Variants in NCKAP5 observed in about 807,000 individuals in gnomAD.
The protein encoded by NCKAP5 is NCK associated protein 5.
A neutral mutation model predicts 167.0 loss-of-function variants in NCKAP5; 92 were observed. That is an observed-to-expected ratio of 0.55 (90% CI 0.47 to 0.66). The LOEUF (loss-of-function observed/expected upper bound fraction) is 0.66. Ranked by LOEUF, NCKAP5 falls within the 30% of genes least tolerant of loss-of-function variation. The probability of loss-of-function intolerance (pLI) is 0.00; values close to 1 mark genes in which losing one functional copy is unlikely to be tolerated. For synonymous variants in NCKAP5, 891 were observed against 877.4 expected, an observed-to-expected ratio of 1.02 and a Z score of -0.27; for missense variants, 2,378 against 2,315.0, an observed-to-expected ratio of 1.03 and a Z score of -0.56.
chr2:133,113,538 T>C (rs1263779739), intron 6 of NCKAP5, among the ~76,000 whole-genome samples: 1 of 152,198 alleles, frequency 6.6e-6, no homozygotes, highest in Non-Finnish European at 1.5e-5. Context: ...ACTCCGAGCC[T>C]CCTCTAGCCA....
chr2:132,726,390 G>A (rs1417762811), intron 18 of NCKAP5, among the ~76,000 whole-genome samples: 1 of 152,164 alleles, frequency 6.6e-6, no homozygotes, highest in African/African-American at 2.4e-5. Context: ...ATCCCCTAAG[G>A]ATGTCACTGG....
chr2:133,413,071 T>C (rs887837639), intron 3 of NCKAP5, among the ~76,000 whole-genome samples: 2 of 152,122 alleles, frequency 1.3e-5, no homozygotes, highest in Admixed American at 6.5e-5. Flanking sequence ...GGAGCAAACA[T>C]GCAGAGCCCA....
chr2:133,456,973 A>C (rs540180904), intron 3 of NCKAP5, among the ~76,000 whole-genome samples: 1 of 152,258 alleles, frequency 6.6e-6, no homozygotes, highest in African/African-American at 2.4e-5. Flanking sequence ...TGTCCAACCA[A>C]TGTCTTCCGT....
chr2:132,962,916 TAG>T (rs1293400318), intron 8 of NCKAP5, among the ~76,000 whole-genome samples: 1 of 152,152 alleles, frequency 6.6e-6, no homozygotes, highest in Admixed American at 6.5e-5. Flanking sequence ...TTTATGCTAG[TAG>T]AGTTTTCAGG....
chr2:133,070,676 G>A (rs932692885), intron 6 of NCKAP5, among the ~76,000 whole-genome samples: 3 of 152,060 alleles, frequency 2.0e-5, no homozygotes, highest in South Asian at 2.1e-4. Flanking sequence ...CAACCAAGAA[G>A]TTATACACTC....
At chr2:132,927,377 T>A (rs942623733) in intron 8 of NCKAP5, among the ~76,000 whole-genome samples, 10 of 98,576 alleles carry the variant, frequency 1.0e-4, no homozygotes. Flanking sequence ...ACTTTTAGGA[T>A]TTTTTTTTCC....
At chr2:133,223,342 G>A (rs973354800) in intron 4 of NCKAP5, among the ~76,000 whole-genome samples, 2 of 152,100 alleles carry the variant, frequency 1.3e-5, no homozygotes, top group South Asian at 4.1e-4. Context: ...ATGCATGTGG[G>A]GAGAACAGGT....
At chr2:133,628,540 A>G in the NCKAP5 span, among the ~76,000 whole-genome samples, 1 of 152,238 alleles carries the variant, frequency 6.6e-6, no homozygotes, top group African/African-American at 2.4e-5. Flanking sequence ...GAAAGGAAGA[A>G]TCAATATCGT....
rs139221130 is a variant in NCKAP5 at position 133,414,794 on chromosome 2, G to T, written c.69+102664C>A. Among the ~76,000 whole-genome samples, 403 of 152,202 alleles carry T rather than the reference G, an allele frequency of 2.6e-3. 1 individual carries two copies. The highest frequency in any genetic ancestry group is 9.4e-3 in the African/African-American group (391 of 41,540). On this transcript the variant is annotated intron_variant, in intron 3 of 19. Transcript: ENST00000409261. ...CCTCCCAAGGAGTCTATGAAGGGTGGAATATTATAGCACACAAACTAATAA... is the reference window on the plus strand; with the variant it reads ...CCTCCCAAGGAGTCTATGAAGGGTGTAATATTATAGCACACAAACTAATAA...
At chr2:133,202,167 G>C (rs2150125494) in intron 5 of NCKAP5, among the ~76,000 whole-genome samples, 1 of 152,218 alleles carries the variant, frequency 6.6e-6, no homozygotes, top group East Asian at 1.9e-4. Context: ...AAAACAGCAT[G>C]GTACTGGTAC....
chr2:132,828,336 G>A (rs560486659), intron 11 of NCKAP5, among the ~76,000 whole-genome samples: 2 of 152,266 alleles, frequency 1.3e-5, no homozygotes, highest in East Asian at 1.9e-4. Flanking sequence ...GGGGCCTGGT[G>A]GGAGGTGATT....
the NCKAP5 span, among the ~76,000 whole-genome samples, chr2:133,589,886 A>C: frequency 1.3e-5 from 2 of 152,264 alleles, no homozygotes; most frequent in Non-Finnish European, 2.9e-5. Context: ...AAACTGATGT[A>C]ATATCCACAG....
At chr2:132,753,911 G>A (rs1680319110) in intron 16 of NCKAP5, among the ~76,000 whole-genome samples, 1 of 152,198 alleles carries the variant, frequency 6.6e-6, no homozygotes, top group Admixed American at 6.5e-5. Flanking sequence ...AGCTCCAGAA[G>A]CAGCTCAGGA....
intron 16 of NCKAP5, among the ~76,000 whole-genome samples, chr2:132,734,842 G>T (rs532420285): frequency 3.3e-5 from 5 of 150,934 alleles, no homozygotes; most frequent in Admixed American, 6.6e-5. Flanking sequence ...CTGATTCCCC[G>T]CAGAAGCACA....
At chr2:133,262,810 G>T (rs924648927) in intron 4 of NCKAP5, among the ~76,000 whole-genome samples, 2 of 152,130 alleles carry the variant, frequency 1.3e-5, no homozygotes, top group Admixed American at 6.5e-5. Flanking sequence ...CACATAAAAA[G>T]CAGGAAGGCT....
chr2:133,327,449 C>A (rs1682530694), intron 3 of NCKAP5, among the ~76,000 whole-genome samples: 1 of 152,154 alleles, frequency 6.6e-6, no homozygotes, highest in African/African-American at 2.4e-5. Context: ...AGTGGCAATG[C>A]TGTTTAATGT....
At chr2:133,220,224 G>T (rs1399269475) in intron 4 of NCKAP5, among the ~76,000 whole-genome samples, 2 of 152,178 alleles carry the variant, frequency 1.3e-5, no homozygotes, top group African/African-American at 2.4e-5. Context: ...AAAGCCAGTA[G>T]CTCATTATGA....
the NCKAP5 span, among the ~76,000 whole-genome samples, chr2:133,593,562 C>T: frequency 1.3e-5 from 2 of 151,874 alleles, no homozygotes; most frequent in Non-Finnish European, 2.9e-5. Flanking sequence ...TCTCTTTTTG[C>T]CGAAGGCTGG....
chr2:133,169,007 C>T (rs1190181709), intron 5 of NCKAP5, among the ~76,000 whole-genome samples: 2 of 152,142 alleles, frequency 1.3e-5, no homozygotes, highest in Admixed American at 6.5e-5. Context: ...AGTCGTTCTC[C>T]ATCACTGTCC....
Sources: gnomAD v4.1 joint callset for allele counts (sites outside exome capture counted in the v4.1 genomes callset) on GRCh38, gnomAD v4.1.1 for gene constraint, MANE v1.5 for transcripts, NCBI Gene and HGNC (gene_info 2026-07-23, HGNC 2026-07-21) for gene names.